Variants in PTPRN2 observed in about 807,000 individuals in gnomAD.
The protein encoded by PTPRN2 is protein tyrosine phosphatase receptor type N2.
In PTPRN2, 74 loss-of-function variants were observed where a neutral mutation model predicts 118.8. That is an observed-to-expected ratio of 0.62 (90% CI 0.52 to 0.76). The LOEUF (loss-of-function observed/expected upper bound fraction) is 0.76, where lower values mean the gene tolerates loss of function less well. PTPRN2 is among the 30% of genes least tolerant of loss of function. The pLI is 0.00. For synonymous variants in PTPRN2, 641 were observed against 608.0 expected, an observed-to-expected ratio of 1.05 and a Z score of -0.80; for missense variants, 1,481 against 1,394.4, an observed-to-expected ratio of 1.06 and a Z score of -0.99.
At chr7:157,570,792 C>T (rs1329547347) in intron 20 of PTPRN2, among the ~76,000 whole-genome samples, 2 of 152,182 alleles carry the variant, frequency 1.3e-5, no homozygotes, top group Admixed American at 6.5e-5. Flanking sequence ...TTCTGAGCCT[C>T]TGCTGGACGT....
At chr7:158,196,579 A>T (rs563811849) in intron 4 of PTPRN2, among the ~76,000 whole-genome samples, 9 of 144,976 alleles carry the variant, frequency 6.2e-5, no homozygotes, top group Non-Finnish European at 1.2e-4. Flanking sequence ...TCACTTCCCC[A>T]TGAGGGGTCT....
intron 5 of PTPRN2, among the ~76,000 whole-genome samples, chr7:158,168,870 C>G (rs1341233094): frequency 6.6e-6 from 1 of 152,194 alleles, no homozygotes; most frequent in East Asian, 1.9e-4. Context: ...CATTGTACCT[C>G]TGACTTGGGC....
chr7:158,198,412 C>T (rs1826382957), intron 4 of PTPRN2, among the ~76,000 whole-genome samples: 1 of 152,202 alleles, frequency 6.6e-6, no homozygotes, highest in Non-Finnish European at 1.5e-5. Flanking sequence ...ATTCCCTTCT[C>T]CATTGGCACA....
chr7:158,473,355 C>T (rs901448280), intron 2 of PTPRN2, among the ~76,000 whole-genome samples: 6 of 152,228 alleles, frequency 3.9e-5, no homozygotes, highest in East Asian at 1.9e-4. Flanking sequence ...AGCACACTTC[C>T]GTTCTCTGAA....
At chr7:158,584,353 A>G (rs1333027705) in intron 1 of PTPRN2, among the ~76,000 whole-genome samples, 2 of 152,206 alleles carry the variant, frequency 1.3e-5, no homozygotes, top group African/African-American at 4.8e-5. Context: ...TTAAGGAAAA[A>G]GCACTGAGAC....
chr7:157,985,210 C>G (rs1030724255), intron 11 of PTPRN2, among the ~76,000 whole-genome samples: 3 of 152,228 alleles, frequency 2.0e-5, no homozygotes, highest in Admixed American at 2.0e-4. Context: ...AAGCGTGCAC[C>G]TGGAGGAAAC....
intron 2 of PTPRN2, among the ~76,000 whole-genome samples, chr7:158,346,004 G>A (rs771649007): frequency 1.3e-5 from 2 of 152,180 alleles, no homozygotes; most frequent in Non-Finnish European, 2.9e-5. Context: ...CCCAACGCTG[G>A]GGATTACAAC....
intron 2 of PTPRN2, among the ~76,000 whole-genome samples, chr7:158,329,265 T>C (rs1803927523): frequency 6.6e-6 from 1 of 152,070 alleles, no homozygotes; most frequent in African/African-American, 2.4e-5. Context: ...GGGAGGACAG[T>C]GAAGACAGTG....
intron 3 of PTPRN2, among the ~76,000 whole-genome samples, chr7:158,274,386 GCAGGCACAGGGGGAGCCA>G (rs1563074669): frequency 1.1e-4 from 10 of 91,002 alleles, no homozygotes; most frequent in Middle Eastern, 8.8e-3. Context: ...AGGGGGAGCC[GCAGGCACAGGGGGAGCCA>G]CAGGCACAGG....
At chr7:158,102,779 C>T (rs1341799674) in intron 10 of PTPRN2, among the ~76,000 whole-genome samples, 1 of 152,092 alleles carries the variant, frequency 6.6e-6, no homozygotes, top group Non-Finnish European at 1.5e-5. Flanking sequence ...CACTTCTCTG[C>T]AGTCACTGAG....
intron 1 of PTPRN2, among the ~76,000 whole-genome samples, chr7:158,538,632 C>A (rs1213021939): frequency 6.6e-6 from 1 of 152,200 alleles, no homozygotes; most frequent in Non-Finnish European, 1.5e-5. Context: ...AATAGGTGGG[C>A]GCTCACCTGA....
chr7:158,043,516 A>C (rs1047027219), intron 11 of PTPRN2, among the ~76,000 whole-genome samples: 1 of 152,242 alleles, frequency 6.6e-6, no homozygotes, highest in African/African-American at 2.4e-5. Context: ...TTTTTCAACA[A>C]AAATACTCAC....
intron 2 of PTPRN2, among the ~76,000 whole-genome samples, chr7:158,332,808 C>A (rs1804765653): frequency 6.7e-6 from 1 of 150,088 alleles, no homozygotes; most frequent in African/African-American, 2.5e-5. Flanking sequence ...GCAGACGTCA[C>A]TCACGTACAC....
intron 2 of PTPRN2, among the ~76,000 whole-genome samples, chr7:158,453,466 A>T (rs1413440167): frequency 6.6e-6 from 1 of 151,894 alleles, no homozygotes; most frequent in Non-Finnish European, 1.5e-5. Flanking sequence ...GAAAGAGAAC[A>T]GTCCTCACCC....
intron 3 of PTPRN2, among the ~76,000 whole-genome samples, chr7:158,224,571 A>T (rs1352478729): frequency 6.6e-6 from 1 of 152,210 alleles, no homozygotes; most frequent in Non-Finnish European, 1.5e-5. Flanking sequence ...TAAGCTTCAC[A>T]GTCTACACAA....
chr7:158,337,507 CCA>C (rs1395973495), intron 2 of PTPRN2, among the ~76,000 whole-genome samples: 3 of 117,828 alleles, frequency 2.5e-5, no homozygotes, highest in African/African-American at 6.7e-5. Context: ...TCACTCGCAC[CCA>C]CACTCTCACC....
chr7:157,964,130 G>A lies in PTPRN2; in HGVS notation c.1724-65393C>T, dbSNP rs1161810073. Among the ~76,000 whole-genome samples, 2 of 152,160 alleles carry A rather than the reference G, an allele frequency of 1.3e-5. No individual in the cohort carries two copies. Among genetic ancestry groups the A allele is most frequent in the Non-Finnish European group, 2.9e-5 (2 of 68,036 alleles). Reference sequence around the variant, plus strand: ...ACCTCGCAGTGACCTCCCTCTGTGTGGGACCCCCGTTCCCACTGGCACACC... The same window carrying A: ...ACCTCGCAGTGACCTCCCTCTGTGTAGGACCCCCGTTCCCACTGGCACACC... On this transcript the variant is annotated intron_variant, in intron 11 of 22. Coordinates refer to ENST00000389418, the MANE Select transcript of PTPRN2 (RefSeq NM_002847.5). This position sits in a 1 kb window ranked among gnomAD's most constrained non-coding sequence, Gnocchi z 9.0.
At chr7:157,778,151 G>C (rs748848783) in intron 12 of PTPRN2, among the ~76,000 whole-genome samples, 1 of 152,220 alleles carries the variant, frequency 6.6e-6, no homozygotes, top group Non-Finnish European at 1.5e-5. Flanking sequence ...TCCTCCCTGG[G>C]GACAGGCTAG....
intron 5 of PTPRN2, among the ~76,000 whole-genome samples, chr7:158,185,715 C>T (rs926510080): frequency 1.3e-5 from 2 of 152,212 alleles, no homozygotes; most frequent in African/African-American, 2.4e-5. Context: ...TCCTTTAGGT[C>T]TAAGTTGCCT....
Sources: gnomAD v4.1 joint callset for allele counts (sites outside exome capture counted in the v4.1 genomes callset) on GRCh38, gnomAD v4.1.1 for gene constraint, Gnocchi (gnomAD v3.1) non-coding constraint, MANE v1.5 for transcripts, NCBI Gene and HGNC (gene_info 2026-07-23, HGNC 2026-07-21) for gene names.